Variants in ULK4 observed in about 807,000 individuals in gnomAD.
ULK4 encodes inactive serine/threonine-protein kinase ULK4.
ULK4 carries 133 observed loss-of-function variants against 160.6 expected under a neutral mutation model. That is an observed-to-expected ratio of 0.83 (90% CI 0.72 to 0.96). ULK4 has a LOEUF of 0.96. ULK4 is among the 40% of genes least tolerant of loss of function. The pLI is 0.00. For synonymous variants in ULK4, 534 were observed against 539.8 expected (o/e 0.99, Z 0.15); for missense variants, 1,580 against 1,499.5 (o/e 1.05, Z -0.89).
intron 31 of ULK4, among the ~76,000 whole-genome samples, chr3:41,566,799 G>A (rs2087797785): frequency 6.6e-6 from 1 of 152,064 alleles, no homozygotes; most frequent in Non-Finnish European, 1.5e-5. Context: ...TTTCATTGCT[G>A]TGAATATTTT....
At chr3:41,598,388 G>A (rs1320739101) in intron 31 of ULK4, among the ~76,000 whole-genome samples, 4 of 152,154 alleles carry the variant, frequency 2.6e-5, no homozygotes, top group Admixed American at 2.6e-4. Flanking sequence ...CAGATACAGA[G>A]CATCTCAGGA....
intron 18 of ULK4, among the ~76,000 whole-genome samples, chr3:41,827,747 T>C (rs938625809): frequency 6.6e-6 from 1 of 152,130 alleles, no homozygotes; most frequent in Non-Finnish European, 1.5e-5. Flanking sequence ...CCATTCCTTC[T>C]GAAACTATTC....
At chr3:41,930,880 G>A (rs1389786327) in intron 5 of ULK4, among the ~76,000 whole-genome samples, 1 of 152,168 alleles carries the variant, frequency 6.6e-6, no homozygotes, top group Non-Finnish European at 1.5e-5. Context: ...AATGCTTTTG[G>A]ACTGTTGGTG....
chr3:41,735,439 C>T (rs1475785819), intron 22 of ULK4, among the ~76,000 whole-genome samples: 1 of 152,152 alleles, frequency 6.6e-6, no homozygotes, highest in East Asian at 1.9e-4. Flanking sequence ...TCCCCTGGGT[C>T]ACCCTTATTC....
At position 41,717,756 on chromosome 3, in the gene ULK4, G is replaced by C. The variant is rs781140027; in HGVS notation, c.2427C>G (p.His809Gln). Residue 809 changes from histidine (H) to glutamine (Q), a missense_variant, in exon 23 of 37, where the codon CAC becomes CAG. His to Gln is a conservative substitution (Grantham distance 24). Coordinates refer to ENST00000301831, the MANE Select transcript of ULK4 (RefSeq NM_017886.4). The part of the protein sequence containing the change: ...LSKCLDLLIC[H>Q]IVQELPRILG... ...GGATTCGTGGCAGCTCCTGCACAATGTGACAGATGAGAAGATCCAGGCATT... is the reference window on the plus strand; with the variant it reads ...GGATTCGTGGCAGCTCCTGCACAATCTGACAGATGAGAAGATCCAGGCATT... The C allele has an allele frequency of 2.5e-6, 4 of 1,614,086 alleles. No homozygotes were observed. The highest frequency in any genetic ancestry group is 2.2e-5 in the South Asian group (2 of 91,058).
intron 31 of ULK4, among the ~76,000 whole-genome samples, chr3:41,570,364 G>T (rs78964030): frequency 6.6e-6 from 1 of 152,282 alleles, no homozygotes; most frequent in East Asian, 1.9e-4. Flanking sequence ...GCAATGGTCT[G>T]CCACCAATTT....
At chr3:41,337,845 G>C (rs1182251408) in intron 35 of ULK4, among the ~76,000 whole-genome samples, 1 of 152,080 alleles carries the variant, frequency 6.6e-6, no homozygotes, top group Non-Finnish European at 1.5e-5. Context: ...AGAATCTCAA[G>C]CTGCTCCAGG....
chr3:41,513,867 C>T (rs1231493241), intron 32 of ULK4, among the ~76,000 whole-genome samples: 1 of 152,098 alleles, frequency 6.6e-6, no homozygotes, highest in Non-Finnish European at 1.5e-5. Context: ...ACAGTGCACA[C>T]TGCTTGGGTG....
chr3:41,726,322 T>C (rs912053735), intron 22 of ULK4, among the ~76,000 whole-genome samples: 1 of 152,214 alleles, frequency 6.6e-6, no homozygotes, highest in African/African-American at 2.4e-5. Flanking sequence ...CATTTCTTCA[T>C]GCTCTCCCCA....
chr3:41,309,520 G>C (rs2080009769), intron 35 of ULK4, among the ~76,000 whole-genome samples: 1 of 151,898 alleles, frequency 6.6e-6, no homozygotes. Flanking sequence ...TTTAAAATTA[G>C]AGAAAAAAGA....
At chr3:41,408,074 A>T (rs1160980050) in intron 34 of ULK4, among the ~76,000 whole-genome samples, 2 of 152,070 alleles carry the variant, frequency 1.3e-5, no homozygotes, top group Non-Finnish European at 2.9e-5. Context: ...TTAAGAAAAT[A>T]ATTTCATTTA....
At chr3:41,262,806 C>A (rs1319438970) in intron 35 of ULK4, among the ~76,000 whole-genome samples, 2 of 152,146 alleles carry the variant, frequency 1.3e-5, no homozygotes, top group Non-Finnish European at 2.9e-5. Flanking sequence ...CAGTTTCTGG[C>A]CATTAAGTCC....
intron 12 of ULK4, among the ~76,000 whole-genome samples, chr3:41,902,572 C>A: frequency 8.9e-6 from 1 of 112,786 alleles, no homozygotes; most frequent in African/African-American, 3.5e-5. Context: ...AGCGAGACTC[C>A]ACCAAAAAAA....
intron 35 of ULK4, among the ~76,000 whole-genome samples, chr3:41,385,656 ATTCTG>A (rs1189800702): frequency 6.6e-6 from 1 of 152,236 alleles, no homozygotes; most frequent in Non-Finnish European, 1.5e-5. Context: ...AAGATTTGTT[ATTCTG>A]TTCTATTTCA....
At position 41,692,199 on chromosome 3, in the gene ULK4, C is replaced by A. The variant is rs191652383; in HGVS notation, c.2782-10395G>T. ...ATCTCCTGACCTCGTGATCTGCCCGCCTCGGCCTCCCAAAGTGCTGGGATT... is the reference window on the plus strand; with the variant it reads ...ATCTCCTGACCTCGTGATCTGCCCGACTCGGCCTCCCAAAGTGCTGGGATT... On this transcript the variant is annotated intron_variant, in intron 27 of 36. Transcript: ENST00000301831. Among the ~76,000 whole-genome samples, 744 of 149,732 alleles carry A rather than the reference C, an allele frequency of 5.0e-3. 5 individuals are homozygous for A. The highest frequency in any genetic ancestry group is 0.017 in the African/African-American group (713 of 41,374).
intron 17 of ULK4, chr3:41,859,298 A>G (rs2042442198): frequency 3.5e-6 from 2 of 567,874 alleles, no homozygotes; most frequent in African/African-American, 1.9e-5. Flanking sequence ...TCTAGAAGGC[A>G]TTCTCTCCTC....
At chr3:41,671,673 T>C (rs749454988) in intron 29 of ULK4, among the ~76,000 whole-genome samples, 1 of 152,126 alleles carries the variant, frequency 6.6e-6, no homozygotes, top group African/African-American at 2.4e-5. Context: ...AGAGATTTTA[T>C]AGCTAAGACA....
intron 11 of ULK4, among the ~76,000 whole-genome samples, chr3:41,910,681 A>G (rs959524846): frequency 6.6e-6 from 1 of 152,216 alleles, no homozygotes; most frequent in Non-Finnish European, 1.5e-5. Context: ...TATTTATCCA[A>G]ATAAAGAAGC....
chr3:41,804,333 GT>G (rs948590535), intron 19 of ULK4, among the ~76,000 whole-genome samples: 3 of 152,102 alleles, frequency 2.0e-5, no homozygotes, highest in Non-Finnish European at 4.4e-5. Context: ...TGATGGGGTT[GT>G]TTTTTTCTTG....
Sources: allele counts gnomAD v4.1 joint callset (sites outside exome capture counted in the v4.1 genomes callset), GRCh38; gene constraint gnomAD v4.1.1; transcripts MANE v1.5; gene names NCBI Gene and HGNC (gene_info 2026-07-23, HGNC 2026-07-21).